The following ADCY7 variants were observed in gnomAD, a reference collection of about 807,000 sequenced individuals.
ADCY7 encodes adenylate cyclase type 7.
In ADCY7, 72 loss-of-function variants were observed where a neutral mutation model predicts 120.6. The observed-to-expected ratio is 0.60, with a 90% CI of 0.49 to 0.73. The LOEUF (loss-of-function observed/expected upper bound fraction) is 0.73. Ranked by LOEUF, ADCY7 falls within the 30% of genes least tolerant of loss-of-function variation. The probability of loss-of-function intolerance (pLI) is 0.00; values close to 1 mark genes in which losing one functional copy is unlikely to be tolerated. For synonymous variants in ADCY7, 661 were observed against 628.0 expected, an observed-to-expected ratio of 1.05 and a Z score of -0.78; for missense variants, 1,227 against 1,486.0, an observed-to-expected ratio of 0.83 and a Z score of 2.87.
intron 12 of ADCY7, among the ~76,000 whole-genome samples, chr16:50,305,271 T>C (rs57410111): frequency 0.021 from 3,122 of 152,270 alleles, 115 homozygotes; most frequent in African/African-American, 0.072. Context: ...GAAGATGCCT[T>C]AGACTGGGGC....
Position 50,308,519 on chromosome 16 carries a change from G to A in ADCY7, c.1935+108G>A. 5 of 1,568,688 alleles carry A rather than the reference G, an allele frequency of 3.2e-6. No individual in the cohort carries two copies. In the South Asian group the frequency reaches 5.9e-5, roughly 18 times the overall value. ...TGGGCTGAGCCCCTGCTCTGGTCAAGGTTGGGTGCCCATCTCTCCTGCCTC... is the reference window on the plus strand; with the variant it reads ...TGGGCTGAGCCCCTGCTCTGGTCAAAGTTGGGTGCCCATCTCTCCTGCCTC... On this transcript the variant is annotated intron_variant, in intron 16 of 25. Coordinates refer to ENST00000673801, the MANE Select transcript of ADCY7 (RefSeq NM_001114.5).
intron 1 of ADCY7, among the ~76,000 whole-genome samples, chr16:50,274,880 A>G (rs2033787390): frequency 6.6e-6 from 1 of 152,038 alleles, no homozygotes; most frequent in African/African-American, 2.4e-5. Flanking sequence ...GAGGGTGAAG[A>G]ATTGCCCGAG....
intron 7 of ADCY7, among the ~76,000 whole-genome samples, chr16:50,296,430 G>A (rs1470850786): frequency 6.8e-6 from 1 of 146,850 alleles, no homozygotes; most frequent in East Asian, 2.0e-4. Context: ...TGTGATCTCT[G>A]CTCACTGCAA....
chr16:50,278,049 C>CT lies in ADCY7; in HGVS notation c.-268-9853dup, dbSNP rs372308371. 8.6e-3 allele frequency among the ~76,000 whole-genome samples: 1,247 copies of CT among 145,434 alleles called. 10 individuals carry two copies. The highest frequency in any genetic ancestry group is 0.014 in the Non-Finnish European group (923 of 65,956). ...AATGCTGTGGGTTGGTTGTGGGTTG[C>CT]TTTTTTTTTTGAGACAGAGCTTCAC... On this transcript the variant is annotated intron_variant, in intron 1 of 25. Coordinates refer to ENST00000673801, the MANE Select transcript of ADCY7 (RefSeq NM_001114.5).
intron 14 of ADCY7, among the ~76,000 whole-genome samples, chr16:50,306,407 T>C (rs2036071200): frequency 6.6e-6 from 1 of 152,192 alleles, no homozygotes; most frequent in Non-Finnish European, 1.5e-5. Flanking sequence ...GCTTCAGGTG[T>C]GGCTCCCTGA....
Position 50,311,775 on chromosome 16 carries a change from C to A in ADCY7, c.2437C>A (p.Leu813Ile). Residue 813 changes from leucine (L) to isoleucine (I), a missense_variant, in exon 20 of 26, where the codon CTC (leucine) becomes ATC (isoleucine). Coordinates refer to ENST00000673801, the MANE Select transcript of ADCY7 (RefSeq NM_001114.5). ...LVLFYITLLT[L>I]SRQIDYYCRL... is the part of the protein sequence containing the mutation. Reference sequence around the variant, plus strand: ...CCTGTTCTACATCACCCTGCTTACACTCTCCAGACAGGTAAGGAGGCTGGC... The same window carrying A: ...CCTGTTCTACATCACCCTGCTTACAATCTCCAGACAGGTAAGGAGGCTGGC... 2 of 1,516,928 alleles carry A rather than the reference C, an allele frequency of 1.3e-6. No homozygotes were observed. The highest frequency in any genetic ancestry group is 1.8e-6 in the Non-Finnish European group (2 of 1,097,632). The allele number at this position is 1,516,928 out of a possible 1,614,324, so 94.0% of individuals were successfully genotyped here.
chr16:50,250,519 A>G (rs1400522459), intron 1 of ADCY7, among the ~76,000 whole-genome samples: 1 of 151,002 alleles, frequency 6.6e-6, no homozygotes, highest in East Asian at 1.9e-4. Flanking sequence ...TAGCTCACAT[A>G]TTTAATCCTA....
chr16:50,314,890 A>G, intron 24 of ADCY7, 124 bp from the exon 25 acceptor site: 1 of 1,373,114 alleles, frequency 7.3e-7, no homozygotes, highest in African/African-American at 1.5e-5. Context: ...GAAGCAACCC[A>G]GCCTTCACTC....
Position 50,314,516 on chromosome 16 carries a change from C to T in ADCY7, c.2971+110C>T, listed in dbSNP as rs555169504. ...ATCTATTATGAAAGGTTTTAGAAAT[C>T]CCTCTGATCTGACAAGCTCAGCAGT... On this transcript the variant is annotated intron_variant, in intron 24 of 25. Coordinates refer to ENST00000673801, the MANE Select transcript of ADCY7 (RefSeq NM_001114.5). 116 of 753,772 alleles carry T rather than the reference C, an allele frequency of 1.5e-4. No homozygotes were observed. The East Asian group carries it at 3.0e-3, about 20-fold the overall frequency. 46.7% of individuals were successfully genotyped at this position (753,772 alleles called of 1,614,324 possible).
Position 50,312,044 on chromosome 16 carries a change from T to C in ADCY7, c.2457T>C (p.Tyr819=), listed in dbSNP as rs548398204. The C allele has an allele frequency of 1.1e-5, 18 of 1,614,208 alleles. No individual in the cohort carries two copies. In the Admixed American group the frequency reaches 2.3e-4, roughly 21 times the overall value. ...GTTGCTGCCGTTTGCAGATTGACTA[T>C]TACTGCCGCTTGGACTGCCTATGGA... ...TLLTLSRQID[Y]YCRLDCLWKK... is the part of the protein sequence containing the mutation. Residue 819 remains tyrosine, a synonymous_variant, in exon 21 of 26, where the codon TAT becomes TAC. Transcript: ENST00000673801.
At chr16:50,309,834 G>A (rs572636787) in intron 18 of ADCY7, among the ~76,000 whole-genome samples, 188 bp downstream of exon 18, 1 of 152,258 alleles carries the variant, frequency 6.6e-6, no homozygotes, top group African/African-American at 2.4e-5. Context: ...TGGCCCAAGG[G>A]AGTGAGGAGT....
rs747315383 is a variant in ADCY7 at position 50,314,312 on chromosome 16, C to T, written c.2877C>T (p.Ala959=). The change falls in exon 24 of 26, where the codon GCC becomes GCT. Residue 959 remains alanine, a synonymous_variant. Transcript: ENST00000673801. The part of the protein sequence containing the change: ...HENQELERQH[A]HIGVMVEFSI... Reference sequence around the variant, plus strand: ...CGCAGGAGCTGGAGCGGCAGCATGCCCACATTGGTGTCATGGTGGAGTTCA... The same window carrying T: ...CGCAGGAGCTGGAGCGGCAGCATGCTCACATTGGTGTCATGGTGGAGTTCA... 3.1e-6 allele frequency: 5 copies of T among 1,614,134 alleles called. No homozygotes were observed. Among genetic ancestry groups the T allele is most frequent in the Non-Finnish European group, 4.2e-6 (5 of 1,180,026 alleles).
upstream of ADCY7, among the ~76,000 whole-genome samples, chr16:50,245,538 C>T (rs1371016063): frequency 2.0e-5 from 3 of 152,146 alleles, no homozygotes; most frequent in African/African-American, 7.2e-5. Flanking sequence ...GGGGCCCCAC[C>T]CTGGGTTGCA....
intron 22 of ADCY7, chr16:50,313,598 C>T: frequency 4.0e-6 from 1 of 247,206 alleles, no homozygotes; most frequent in Non-Finnish European, 7.7e-6. Flanking sequence ...AGCTTCATTT[C>T]CAACTAAGCC....
chr16:50,286,394 C>G (rs555413802), intron 1 of ADCY7, among the ~76,000 whole-genome samples: 45 of 145,052 alleles, frequency 3.1e-4, no homozygotes, highest in African/African-American at 1.1e-3. Context: ...CACACCACTT[C>G]ACTCCAGCCT....
chr16:50,309,003 A>C, intron 17 of ADCY7: 1 of 511,346 alleles, frequency 2.0e-6, no homozygotes, highest in Non-Finnish European at 3.3e-6. Context: ...TTGTGTGGCC[A>C]GCTCCAGGAG....
At chr16:50,311,641 T>C in intron 19 of ADCY7, 52 bp from the exon 20 acceptor site, 1 of 1,294,684 alleles carries the variant, frequency 7.7e-7, no homozygotes, top group Non-Finnish European at 1.1e-6. Flanking sequence ...CATGACTCAG[T>C]GGGTTGGAGT....
intron 18 of ADCY7, 102 bp downstream of exon 18, chr16:50,309,748 G>A (rs2036327620): frequency 9.7e-7 from 1 of 1,029,306 alleles, no homozygotes; most frequent in Non-Finnish European, 1.4e-6. Flanking sequence ...ACCCCTGAGA[G>A]CACAGCATGT....
chr16:50,265,636 T>C (rs1485164737), upstream of ADCY7, among the ~76,000 whole-genome samples: 1 of 152,026 alleles, frequency 6.6e-6, no homozygotes, highest in East Asian at 1.9e-4. Context: ...AGAGGTGCTG[T>C]GATGGAGGAA....
Sources: gnomAD v4.1 joint callset for allele counts (sites outside exome capture counted in the v4.1 genomes callset) on GRCh38, gnomAD v4.1.1 for gene constraint, MANE v1.5 for transcripts, NCBI Gene and HGNC (gene_info 2026-07-23, HGNC 2026-07-21) for gene names.